Variants in PML observed in about 807,000 individuals in gnomAD.
PML encodes protein PML.
A neutral mutation model predicts 65.2 loss-of-function variants in PML; 28 were observed. The ratio of observed to expected loss-of-function variants is 0.43; its 90% CI spans 0.32 to 0.59. PML has a LOEUF of 0.59. PML is among the 20% of genes least tolerant of loss of function. The pLI, the probability that PML is intolerant of heterozygous loss-of-function variation, is 0.08. For synonymous variants in PML, 500 were observed against 508.8 expected (o/e 0.98, Z 0.23); for missense variants, 1,021 against 1,203.4 (o/e 0.85, Z 2.24).
chr15:74,008,556 G>A (rs1357612396), intron 2 of PML, among the ~76,000 whole-genome samples: 1 of 151,762 alleles, frequency 6.6e-6, no homozygotes, highest in Non-Finnish European at 1.5e-5. Context: ...GGCTAACATG[G>A]TGAAACCCCG....
At chr15:74,012,192 T>C (rs1229924933) in intron 2 of PML, among the ~76,000 whole-genome samples, 1 of 152,232 alleles carries the variant, frequency 6.6e-6, no homozygotes, top group Non-Finnish European at 1.5e-5. Context: ...ATTTTGTTTT[T>C]TGAAACAGAG....
chr15:74,020,093 C>T (rs2070766549), intron 2 of PML, among the ~76,000 whole-genome samples: 1 of 152,094 alleles, frequency 6.6e-6, no homozygotes, highest in Non-Finnish European at 1.5e-5. Context: ...ATGGGTATTG[C>T]CAAATTGCCT....
Position 74,042,516 on chromosome 15 carries a change from AT to A in PML, c.1711-471del, listed in dbSNP as rs2071717884. On this transcript the variant is annotated intron_variant, in intron 7 of 8. Transcript: ENST00000268058. This position sits in a 1 kb window ranked among gnomAD's most constrained non-coding sequence, Gnocchi z 5.3. ...TTCTGAGTCTGCTCAGAAAGATGAA[AT>A]TAGGAGCAGACATCTCAGGTCCTGC... The A allele has an allele frequency of 2.0e-6, 2 of 985,272 alleles. No homozygotes were observed. Among genetic ancestry groups the A allele is most frequent in the Non-Finnish European group, 2.4e-6 (2 of 829,914 alleles). The allele number at this position is 985,272 out of a possible 1,614,324, so 61.0% of individuals were successfully genotyped here.
At chr15:74,002,055 G>GT (rs1173813938) in intron 2 of PML, among the ~76,000 whole-genome samples, 2 of 151,612 alleles carry the variant, frequency 1.3e-5, no homozygotes, top group Admixed American at 1.3e-4. Context: ...AGAGAATAGT[G>GT]TTTTCTAAAA....
intron 2 of PML, among the ~76,000 whole-genome samples, chr15:74,008,671 G>A (rs1420861785): frequency 2.0e-5 from 3 of 151,868 alleles, no homozygotes; most frequent in South Asian, 2.1e-4. Context: ...CCCAGGAGGC[G>A]GAGCTTGCAG....
chr15:73,999,928 G>A (rs890030391), intron 2 of PML, among the ~76,000 whole-genome samples: 3 of 149,584 alleles, frequency 2.0e-5, no homozygotes, highest in South Asian at 2.1e-4. Flanking sequence ...TCCACCTCCC[G>A]GGTTCACGCC....
In PML at chr15:74,044,993, C is replaced by G. The variant is rs990541575; in HGVS notation, c.2634C>G (p.Ala878=). ...PLAGRGLAER[A]SQQS ...CTGGCCGTGGCTTGGCAGAGAGGGCCTCCCAGCAGAGCTGAGAGGAGGGGG... is the reference window on the plus strand; with the variant it reads ...CTGGCCGTGGCTTGGCAGAGAGGGCGTCCCAGCAGAGCTGAGAGGAGGGGG... The change falls in exon 9 of 9, where the codon GCC becomes GCG. Residue 878 remains alanine, a synonymous_variant. Transcript: ENST00000268058. 1 of 1,604,684 alleles carries G rather than the reference C, an allele frequency of 6.2e-7. No individual in the cohort carries two copies. Among genetic ancestry groups the G allele is most frequent in the Non-Finnish European group, 8.5e-7 (1 of 1,177,656 alleles).
At chr15:74,017,888 C>T (rs1228425382) in intron 2 of PML, among the ~76,000 whole-genome samples, 4 of 152,114 alleles carry the variant, frequency 2.6e-5, no homozygotes, top group African/African-American at 9.6e-5. Flanking sequence ...GAAATCGCAG[C>T]ACTTTTGGGG....
In PML at chr15:74,044,551, A is replaced by G. The variant is rs1335019509; in HGVS notation, c.2192A>G (p.Gln731Arg). The G allele has an allele frequency of 3.1e-6, 5 of 1,613,258 alleles. No homozygotes were observed. In the African/African-American group the frequency reaches 4.0e-5, roughly 13 times the overall value. ...AGCTTCAAACTCAAGAACCTGGCCC[A>G]GACCTACCTGGCGAGAAACATGAGC... Reference protein sequence around the residue: ...ASSFKLKNLAQTYLARNMSER... With the variant: ...ASSFKLKNLARTYLARNMSER... The change falls in exon 9 of 9, where the codon CAG becomes CGG. Residue 731 changes from glutamine to arginine, a missense_variant. Physicochemically the swap from Gln to Arg is conservative, Grantham distance 43. Transcript: ENST00000268058.
intron 2 of PML, among the ~76,000 whole-genome samples, chr15:74,015,034 G>A (rs904692837): frequency 6.6e-6 from 1 of 152,182 alleles, no homozygotes; most frequent in Non-Finnish European, 1.5e-5. Context: ...CCATTCCTGG[G>A]TGTGGCACCA....
intron 2 of PML, among the ~76,000 whole-genome samples, chr15:74,005,552 A>G (rs914438629): frequency 2.0e-5 from 3 of 147,694 alleles, no homozygotes; most frequent in Non-Finnish European, 4.5e-5. Flanking sequence ...TCTATCTGCT[A>G]CCCCTGTAGA....
intron 8 of PML, 60 bp from the exon 9 acceptor site, chr15:74,044,161 C>A: frequency 6.4e-7 from 1 of 1,568,984 alleles, no homozygotes; most frequent in Non-Finnish European, 8.8e-7. Context: ...GGACCCCCTG[C>A]TCCCACCCCA....
intron 2 of PML, among the ~76,000 whole-genome samples, chr15:74,007,763 C>A (rs2070133602): frequency 6.6e-6 from 1 of 152,140 alleles, no homozygotes; most frequent in Admixed American, 6.5e-5. Context: ...TCATGTCACA[C>A]CTACTGTGTT....
chr15:73,995,012 A>G, intron 1 of PML, 71 bp downstream of exon 1: 12 of 1,371,446 alleles, frequency 8.7e-6, no homozygotes, highest in Non-Finnish European at 1.2e-5. Context: ...GCGGGAAGAG[A>G]GGGTCTAACG....
intron 7 of PML, among the ~76,000 whole-genome samples, chr15:74,039,595 C>T (rs899404694): frequency 3.3e-5 from 5 of 152,208 alleles, no homozygotes; most frequent in African/African-American, 1.2e-4. Flanking sequence ...CAATTGTTCT[C>T]AAGCTGGCTG....
chr15:74,035,123 GC>G lies in PML; in HGVS notation c.1710+597del. ...ATAGAGTGAAAGGTTGGACTGGGTGGCCCCTGAGGTCTCTTCCAGCCCTCAG... is the reference window on the plus strand; with the variant it reads ...ATAGAGTGAAAGGTTGGACTGGGTGGCCCTGAGGTCTCTTCCAGCCCTCAG... On this transcript the variant is annotated intron_variant, in intron 7 of 8. Transcript: ENST00000268058. The surrounding 1 kb of genome is among the most constrained non-coding windows in gnomAD (Gnocchi z 4.1). 8.9e-7 allele frequency: 1 copy of G among 1,129,166 alleles called. No individual in the cohort carries two copies. The highest frequency in any genetic ancestry group is 1.3e-6 in the Non-Finnish European group (1 of 741,498). The allele number at this position is 1,129,166 out of a possible 1,614,324, so 69.9% of individuals were successfully genotyped here.
intron 4 of PML, chr15:74,027,271 G>A (rs754055938): frequency 6.6e-6 from 1 of 152,128 alleles, no homozygotes; most frequent in African/African-American, 2.4e-5. Flanking sequence ...AAATAATAAG[G>A]CCAGGTGTGG....
intron 2 of PML, among the ~76,000 whole-genome samples, chr15:74,005,831 A>G (rs1482858837): frequency 6.6e-6 from 1 of 152,114 alleles, no homozygotes; most frequent in African/African-American, 2.4e-5. Flanking sequence ...AAAAGTTGAC[A>G]TCTAGATTGT....
chr15:74,036,341 C>G, intron 7 of PML: 1 of 1,415,370 alleles, frequency 7.1e-7, no homozygotes, highest in Non-Finnish European at 9.2e-7. Flanking sequence ...CAGGGACTGG[C>G]TATCCCAAGA....
Sources: gnomAD v4.1 joint callset for allele counts (sites outside exome capture counted in the v4.1 genomes callset) on GRCh38, gnomAD v4.1.1 for gene constraint, Gnocchi (gnomAD v3.1) non-coding constraint, MANE v1.5 for transcripts, NCBI Gene and HGNC (gene_info 2026-07-23, HGNC 2026-07-21) for gene names.